The following TTLL10 variants were observed in gnomAD, a reference collection of about 807,000 sequenced individuals.
TTLL10 encodes inactive polyglycylase TTLL10.
Under a neutral mutation model 69.0 loss-of-function variants are expected in TTLL10, and 61 were observed. That is an observed-to-expected ratio of 0.88 (90% CI 0.72 to 1.09). The LOEUF is 1.09. Ranked by LOEUF, TTLL10 falls within the 50% of genes least tolerant of loss-of-function variation. The pLI is 0.00. For synonymous variants in TTLL10, 408 were observed against 393.3 expected, an observed-to-expected ratio of 1.04 and a Z score of -0.44; for missense variants, 962 against 945.9, an observed-to-expected ratio of 1.02 and a Z score of -0.22.
intron 13 of TTLL10, among the ~76,000 whole-genome samples, chr1:1,190,636 G>A (rs868225787): frequency 1.7e-4 from 26 of 151,732 alleles, no homozygotes; most frequent in African/African-American, 2.7e-4. Context: ...CACCATGCTG[G>A]CAAGGCTGGT....
In TTLL10 at chr1:1,179,637, T is replaced by C. The variant is rs1646980715; in HGVS notation, c.119-20T>C. On this transcript the variant is annotated intron_variant, in intron 4 of 15. Transcript: ENST00000379289. ...GTCACCCATGACATCATCATGGACA[T>C]TGTGACCCCTGCCCTCCAGGGACCA... The C allele has an allele frequency of 4.5e-6, 7 of 1,550,792 alleles. No homozygotes were observed. Among genetic ancestry groups the C allele is most frequent in the East Asian group, 4.9e-5 (2 of 40,908 alleles).
intron 10 of TTLL10, 126 bp from the exon 11 acceptor site, chr1:1,182,750 G>A (rs370878292): frequency 1.2e-5 from 16 of 1,338,032 alleles, no homozygotes; most frequent in African/African-American, 1.5e-5. Context: ...TGTGGTTAGC[G>A]CAGGGCCAAG....
intron 11 of TTLL10, 111 bp from the exon 12 acceptor site, chr1:1,183,809 G>C: frequency 2.1e-6 from 3 of 1,417,936 alleles, no homozygotes; most frequent in Non-Finnish European, 2.9e-6. Context: ...TCACACCTGG[G>C]ACAGAGGCGG....
chr1:1,180,434 C>T, intron 6 of TTLL10, 49 bp from the exon 7 acceptor site: 5 of 1,529,552 alleles, frequency 3.3e-6, no homozygotes, highest in South Asian at 1.2e-5. Context: ...CCGCCATCCC[C>T]AACCCCTTGC....
At chr1:1,177,807 C>T (rs1316086602) in intron 3 of TTLL10, among the ~76,000 whole-genome samples, 1 of 152,190 alleles carries the variant, frequency 6.6e-6, no homozygotes. Context: ...CTGCTCCGTG[C>T]CTGCGCAGGG....
chr1:1,196,292 A>C (rs1379775024), intron 13 of TTLL10: 1 of 352,536 alleles, frequency 2.8e-6, no homozygotes, highest in African/African-American at 2.1e-5. Context: ...AGTTCTTACC[A>C]AGATTCGAGA....
At chr1:1,182,768 T>C (rs1391559200) in intron 10 of TTLL10, 108 bp from the exon 11 acceptor site, 1 of 1,422,712 alleles carries the variant, frequency 7.0e-7, no homozygotes, top group Non-Finnish European at 9.4e-7. Flanking sequence ...AAGGTTGGAA[T>C]GGCCGGGCCG....
At chr1:1,184,873 C>G (rs1220758856) in intron 12 of TTLL10, 96 bp from the exon 13 acceptor site, 4 of 402,230 alleles carry the variant, frequency 9.9e-6, no homozygotes, top group Non-Finnish European at 1.3e-5. Context: ...CATGCAGAAG[C>G]CTTCTAGGTT....
rs914440342 is a variant in TTLL10, at chr1:1,197,426, C to A, written c.1613-12C>A. On this transcript the variant is annotated splice_polypyrimidine_tract_variant and intron_variant, in intron 15 of 15. Coordinates refer to ENST00000379289, the MANE Select transcript of TTLL10 (RefSeq NM_001130045.2). ...TGCCCCCCACTCACCCTCTCTCCCC[C>A]ACCCGCACCAGACCTGGTGCTCGAG... 53 of 1,519,120 alleles carry A rather than the reference C, an allele frequency of 3.5e-5. No individual in the cohort carries two copies. The highest frequency in any genetic ancestry group is 4.1e-5 in the Non-Finnish European group (46 of 1,133,908). 94.1% of individuals were successfully genotyped at this position (1,519,120 alleles called of 1,614,324 possible).
Position 1,185,984 on chromosome 1 carries a change from G to A in TTLL10, c.1401+875G>A, listed in dbSNP as rs557008217. On this transcript the variant is annotated intron_variant, in intron 13 of 15. Transcript: ENST00000379289. This position sits in a 1 kb window ranked among gnomAD's most constrained non-coding sequence, Gnocchi z 6.1. ...AACGAGCCATCACAGCTACATTGCC[G>A]GCCATTCCTGGTCACCGCTGATGGA... 4.7e-5 allele frequency: 14 copies of A among 295,574 alleles called. No individual in the cohort carries two copies. In the East Asian group the frequency reaches 7.0e-4, roughly 15 times the overall value. 18.3% of individuals were successfully genotyped at this position (295,574 alleles called of 1,614,324 possible).
chr1:1,184,183 C>A, intron 12 of TTLL10, 92 bp downstream of exon 12: 1 of 1,546,738 alleles, frequency 6.5e-7, no homozygotes, highest in Middle Eastern at 1.7e-4. Context: ...GGGGGTGCAG[C>A]TACAGAAGGA....
At chr1:1,179,487 T>A (rs1018931430) in intron 4 of TTLL10, 154 bp downstream of exon 4, 16 of 1,287,138 alleles carry the variant, frequency 1.2e-5, no homozygotes, top group African/African-American at 1.0e-4. Flanking sequence ...AGGGGCCAGC[T>A]GTGGGCGCCG....
chr1:1,187,137 C>T (rs759696215), intron 13 of TTLL10, among the ~76,000 whole-genome samples: 2 of 152,052 alleles, frequency 1.3e-5, no homozygotes, highest in Non-Finnish European at 2.9e-5. Flanking sequence ...TGAGCCACCG[C>T]GCCCGGCCAA....
rs531797009 is a variant in TTLL10 at position 1,179,913 on chromosome 1, C to T, written c.200-121C>T. 30 of 1,437,474 alleles carry T rather than the reference C, an allele frequency of 2.1e-5. No individual in the cohort carries two copies. In the Admixed American group the frequency reaches 2.3e-4, roughly 11 times the overall value. 89.0% of individuals were successfully genotyped at this position (1,437,474 alleles called of 1,614,324 possible). ...GCTCGGGCTGAACTTGAGCCCCAGA[C>T]GGGCCAGGGGGATTGTCCAGGGTAT... On this transcript the variant is annotated intron_variant, in intron 5 of 15. Coordinates refer to ENST00000379289, the MANE Select transcript of TTLL10 (RefSeq NM_001130045.2).
chr1:1,179,117 T>C (rs903560419), intron 3 of TTLL10, 72 bp from the exon 4 acceptor site: 1 of 1,060,460 alleles, frequency 9.4e-7, no homozygotes, highest in African/African-American at 1.6e-5. Context: ...GACTGCCTGC[T>C]CCATCCAAGC....
chr1:1,183,174 A>G (rs1235493510), intron 11 of TTLL10, 127 bp downstream of exon 11: 2 of 1,209,988 alleles, frequency 1.7e-6, no homozygotes, highest in African/African-American at 1.5e-5. Flanking sequence ...GCCCCTGTGC[A>G]GACCACAGCC....
chr1:1,180,684 C>G (rs371364444), intron 7 of TTLL10, 47 bp from the exon 8 acceptor site: 6 of 1,573,382 alleles, frequency 3.8e-6, no homozygotes, highest in Non-Finnish European at 4.3e-6. Context: ...GGGTGGGGAC[C>G]GAGGTCCTGC....
intron 13 of TTLL10, among the ~76,000 whole-genome samples, chr1:1,186,254 A>T (rs1036052547): frequency 6.6e-6 from 1 of 151,990 alleles, no homozygotes; most frequent in East Asian, 1.9e-4. Context: ...ACGCGCGGCT[A>T]ATTTTTGTAT....
chr1:1,178,818 A>T (rs1570400867), intron 3 of TTLL10, among the ~76,000 whole-genome samples: 1 of 151,990 alleles, frequency 6.6e-6, no homozygotes. Context: ...GACAGAGAAG[A>T]CCCCTGCTCA....
Sources: gnomAD v4.1 joint callset for allele counts (sites outside exome capture counted in the v4.1 genomes callset) on GRCh38, gnomAD v4.1.1 for gene constraint, Gnocchi (gnomAD v3.1) non-coding constraint, MANE v1.5 for transcripts, NCBI Gene and HGNC (gene_info 2026-07-23, HGNC 2026-07-21) for gene names.